RGS20: variants seen among roughly 807,000 people sequenced by gnomAD.
The protein encoded by RGS20 is regulator of G protein signaling 20.
In RGS20, 30 loss-of-function variants were observed where a neutral mutation model predicts 33.6. The observed-to-expected ratio is 0.89, with a 90% CI of 0.67 to 1.21. The LOEUF (loss-of-function observed/expected upper bound fraction) is 1.21, where lower values mean the gene tolerates loss of function less well. Ranked by LOEUF, RGS20 falls within the 50% of genes most tolerant of loss-of-function variation. The pLI is 0.00. For missense variants in RGS20, 472 were observed against 502.4 expected (o/e 0.94, Z 0.58); for synonymous variants, 208 against 197.9 (o/e 1.05, Z -0.43).
chr8:53,934,073 C>T (rs1340232360), intron 2 of RGS20, among the ~76,000 whole-genome samples: 1 of 152,172 alleles, frequency 6.6e-6, no homozygotes, highest in African/African-American at 2.4e-5. Context: ...GATTTTGTCA[C>T]CACCAGGCCT....
intron 1 of RGS20, chr8:53,879,159 C>G (rs1812274180): frequency 1.0e-6 from 1 of 974,316 alleles, no homozygotes. Flanking sequence ...CTTGCACCCC[C>G]AAAGTAACGC....
intron 1 of RGS20, among the ~76,000 whole-genome samples, chr8:53,863,931 G>C (rs1221532215): frequency 6.6e-5 from 10 of 151,812 alleles, no homozygotes; most frequent in Non-Finnish European, 1.3e-4. Context: ...GTTTCACCAT[G>C]TTAGCCAGGA....
intron 4 of RGS20, among the ~76,000 whole-genome samples, chr8:53,949,678 C>T (rs1814654980): frequency 6.6e-6 from 1 of 151,390 alleles, no homozygotes; most frequent in African/African-American, 2.4e-5. Flanking sequence ...GATTGCACCA[C>T]TGCACCCCAG....
rs185677284 is a variant in RGS20 at position 53,926,862 on chromosome 8, G to A, written c.511-12714G>A. The stretch of plus-strand genomic sequence containing the variant: ...CAAGAGGCGGAGGTTACAGTGAGCC[G>A]AGATCACACCACTGCACTCCAGCCT... On this transcript the variant is annotated intron_variant, in intron 2 of 5. Transcript: ENST00000297313. 3.4e-3 allele frequency among the ~76,000 whole-genome samples: 524 copies of A among 151,902 alleles called. 4 individuals carry two copies. The highest frequency in any genetic ancestry group is 0.012 in the African/African-American group (499 of 41,462).
At chr8:53,922,712 A>G (rs1055541401) in intron 2 of RGS20, among the ~76,000 whole-genome samples, 6 of 152,058 alleles carry the variant, frequency 3.9e-5, no homozygotes, top group African/African-American at 1.2e-4. Context: ...TCACTTTGTC[A>G]CACAGGCTGG....
chr8:53,926,495 T>C (rs1813801013), intron 2 of RGS20, among the ~76,000 whole-genome samples: 2 of 152,216 alleles, frequency 1.3e-5, no homozygotes, highest in Non-Finnish European at 1.5e-5. Context: ...CAATACTTGG[T>C]GTTTCATCGT....
chr8:53,855,207 G>A (rs1019225661), intron 1 of RGS20, among the ~76,000 whole-genome samples: 1 of 152,072 alleles, frequency 6.6e-6, no homozygotes, highest in African/African-American at 2.4e-5. Context: ...TAGGACTACA[G>A]GCACGTGCCA....
At chr8:53,953,931 C>A (rs6981243) in intron 4 of RGS20, 145 bp from the exon 4 acceptor site, 406,350 of 681,498 alleles carry the variant, frequency 0.6, 123,725 homozygotes, top group East Asian at 0.8. Context: ...TGAGGAAATG[C>A]GAACAGTTCT....
chr8:53,873,842 G>A (rs1374269167), intron 1 of RGS20, among the ~76,000 whole-genome samples: 8 of 152,198 alleles, frequency 5.3e-5, no homozygotes, highest in Non-Finnish European at 1.2e-4. Flanking sequence ...AATCATTCAC[G>A]TAGTTCCTTG....
chr8:53,907,292 T>C (rs567831461), intron 2 of RGS20, among the ~76,000 whole-genome samples: 2 of 152,174 alleles, frequency 1.3e-5, no homozygotes, highest in East Asian at 3.9e-4. Flanking sequence ...TCTATTAAGA[T>C]TTAAAGAATC....
intron 1 of RGS20, among the ~76,000 whole-genome samples, chr8:53,866,379 A>G (rs2129269606): frequency 6.7e-6 from 1 of 150,352 alleles, no homozygotes; most frequent in East Asian, 1.9e-4. Flanking sequence ...AGAAGGACAC[A>G]TTTACCTCTT....
At chr8:53,897,540 C>T (rs1812900691) in intron 2 of RGS20, among the ~76,000 whole-genome samples, 1 of 152,222 alleles carries the variant, frequency 6.6e-6, no homozygotes, top group Admixed American at 6.5e-5. Flanking sequence ...ATAGTAACCA[C>T]AATACATTTG....
At chr8:53,918,877 T>C (rs929981804) in intron 2 of RGS20, among the ~76,000 whole-genome samples, 6 of 152,258 alleles carry the variant, frequency 3.9e-5, no homozygotes, top group African/African-American at 1.4e-4. Flanking sequence ...ACAAACAGCA[T>C]TTGTTTACAA....
chr8:53,856,789 A>G (rs1303351704), intron 1 of RGS20, among the ~76,000 whole-genome samples: 1 of 152,212 alleles, frequency 6.6e-6, no homozygotes, highest in Non-Finnish European at 1.5e-5. Context: ...TCCAAAGTCA[A>G]TGCCCTTCTG....
chr8:53,930,264 A>G (rs1813916800), intron 2 of RGS20, among the ~76,000 whole-genome samples: 1 of 152,244 alleles, frequency 6.6e-6, no homozygotes, highest in Non-Finnish European at 1.5e-5. Context: ...TAAAATATCT[A>G]CTTAGAAAAC....
intron 2 of RGS20, among the ~76,000 whole-genome samples, chr8:53,895,609 G>A (rs968146312): frequency 2.0e-5 from 3 of 151,604 alleles, no homozygotes; most frequent in East Asian, 1.9e-4. Flanking sequence ...GCCTGCTTTT[G>A]TATGCCCTGA....
intron 1 of RGS20, among the ~76,000 whole-genome samples, chr8:53,860,003 G>A (rs959432295): frequency 3.9e-5 from 6 of 152,186 alleles, no homozygotes; most frequent in African/African-American, 1.4e-4. Context: ...ATATCGGGGA[G>A]TAAACTTGTT....
chr8:53,879,855 A>T (rs552685310), intron 2 of RGS20: 2 of 414,788 alleles, frequency 4.8e-6, no homozygotes, highest in Admixed American at 8.5e-5. Context: ...ATGGTCCAAG[A>T]AAACGGGAGG....
At chr8:53,901,392 T>A (rs900612821) in intron 2 of RGS20, among the ~76,000 whole-genome samples, 1 of 152,170 alleles carries the variant, frequency 6.6e-6, no homozygotes. Flanking sequence ...AATGTCTCTT[T>A]CTGTTTCATC....
Sources: gnomAD v4.1 joint callset for allele counts (sites outside exome capture counted in the v4.1 genomes callset) on GRCh38, gnomAD v4.1.1 for gene constraint, MANE v1.5 for transcripts, NCBI Gene and HGNC (gene_info 2026-07-23, HGNC 2026-07-21) for gene names.